Variants in MAPK6 observed in about 807,000 individuals in gnomAD.
The protein encoded by MAPK6 is ERK-3.
In MAPK6, 19 loss-of-function variants were observed where a neutral mutation model predicts 59.3. That is an observed-to-expected ratio of 0.32 (90% CI 0.22 to 0.47). MAPK6 has a LOEUF of 0.47. MAPK6 is among the 20% of genes least tolerant of loss of function. The pLI is 1.00. For missense variants in MAPK6, 724 were observed against 847.9 expected, an observed-to-expected ratio of 0.85 and a Z score of 1.81; for synonymous variants, 316 against 290.3, an observed-to-expected ratio of 1.09 and a Z score of -0.90.
upstream of MAPK6, among the ~76,000 whole-genome samples, chr15:52,016,070 G>GCGCACGCACACACA: frequency 1.8e-5 from 1 of 55,392 alleles, no homozygotes; most frequent in Non-Finnish European, 3.4e-5. Flanking sequence ...GCGCGCGCGC[G>GCGCACGCACACACA]CACACACACA....
chr15:52,061,613 T>C, intron 5 of MAPK6, 113 bp downstream of exon 5: 2 of 833,160 alleles, frequency 2.4e-6, no homozygotes, highest in South Asian at 3.7e-5. Flanking sequence ...AAAAATTTAG[T>C]AATGTAAAGA....
intron 3 of MAPK6, among the ~76,000 whole-genome samples, chr15:52,057,673 T>C (rs1425565105): frequency 6.6e-6 from 1 of 152,194 alleles, no homozygotes; most frequent in African/African-American, 2.4e-5. Context: ...GCCTCCCAAG[T>C]AGCTGGAACT....
chr15:51,987,322 C>T (rs2959282), intron 2 of MAPK6, among the ~76,000 whole-genome samples: 2,413 of 152,284 alleles, frequency 0.016, 51 homozygotes, highest in African/African-American at 0.056. Context: ...TCCACCTATT[C>T]AGGCTGGGCA....
chr15:51,971,896 T>C, exon 1 of MAPK6: 1 of 778,380 alleles, frequency 1.3e-6, no homozygotes, highest in East Asian at 2.6e-5. Context: ...AGTGAACCTG[T>C]TCTCGCCTGG....
intron 1 of MAPK6, among the ~76,000 whole-genome samples, chr15:52,030,277 C>T (rs2030975973): frequency 6.6e-6 from 1 of 152,194 alleles, no homozygotes; most frequent in Non-Finnish European, 1.5e-5. Context: ...GTTGGTCTTT[C>T]CTTACTAGAA....
chr15:52,063,513 C>T (rs920897198), intron 5 of MAPK6, among the ~76,000 whole-genome samples: 1 of 6,884 alleles, frequency 1.5e-4, no homozygotes, highest in Non-Finnish European at 9.7e-4. Flanking sequence ...CAGCAAACCT[C>T]CTCCTCTTCT....
chr15:51,988,451 G>T (rs892710700), intron 2 of MAPK6, among the ~76,000 whole-genome samples: 1 of 152,062 alleles, frequency 6.6e-6, no homozygotes, highest in African/African-American at 2.4e-5. Flanking sequence ...CAACAGAAAT[G>T]AGCCAGGAGT....
chr15:51,988,537 G>T (rs1441137088), intron 2 of MAPK6, among the ~76,000 whole-genome samples: 1 of 152,130 alleles, frequency 6.6e-6, no homozygotes, highest in African/African-American at 2.4e-5. Flanking sequence ...TTCAAGACCA[G>T]CCTGGCCAAC....
intron 3 of MAPK6, chr15:52,057,078 A>T (rs2032012719): frequency 6.6e-6 from 1 of 152,150 alleles, no homozygotes; most frequent in Non-Finnish European, 1.5e-5. Context: ...TTCTGTTAGC[A>T]CAGATCCTGT....
intron 2 of MAPK6, among the ~76,000 whole-genome samples, chr15:51,985,809 T>A (rs1260305989): frequency 6.6e-6 from 1 of 151,722 alleles, no homozygotes; most frequent in Non-Finnish European, 1.5e-5. Flanking sequence ...ATACAAAAAA[T>A]TAGCCCGGCA....
At chr15:52,003,004 T>G (rs1474324802) in intron 2 of MAPK6, among the ~76,000 whole-genome samples, 1 of 152,098 alleles carries the variant, frequency 6.6e-6, no homozygotes, top group Non-Finnish European at 1.5e-5. Context: ...CTGACCAACA[T>G]GGTGAAACCC....
intron 3 of MAPK6, among the ~76,000 whole-genome samples, chr15:52,055,945 T>G (rs868283939): frequency 7.2e-5 from 11 of 152,344 alleles, no homozygotes; most frequent in African/African-American, 2.6e-4. Flanking sequence ...ATAGGAATAG[T>G]TTGCAATGAA....
chr15:52,025,758 A>G (rs2030748408), intron 1 of MAPK6, among the ~76,000 whole-genome samples: 1 of 152,282 alleles, frequency 6.6e-6, no homozygotes, highest in East Asian at 1.9e-4. Flanking sequence ...ACTGCACTCC[A>G]GTCTGGGTGA....
upstream of MAPK6, among the ~76,000 whole-genome samples, chr15:52,015,485 T>C (rs2030207675): frequency 6.6e-6 from 1 of 151,172 alleles, no homozygotes; most frequent in Middle Eastern, 3.2e-3. Context: ...TGGGATTTTT[T>C]TTTTTTTTTT....
rs1162371445 is a variant in MAPK6 at position 52,042,222 on chromosome 15, C to T, written c.-631-3608C>T. Among the ~76,000 whole-genome samples, 13 of 152,332 alleles carry T rather than the reference C, an allele frequency of 8.5e-5. 1 individual carries two copies. In the South Asian group the frequency reaches 2.1e-3, roughly 24 times the overall value. ...AAGACTACTACTCACAGAGCAGTGA[C>T]GCAGAATCACTGAACAAGCACTGCC... On this transcript the variant is annotated intron_variant, in intron 1 of 5. Transcript: ENST00000261845.
At chr15:52,043,692 A>C (rs2031499954) in intron 1 of MAPK6, among the ~76,000 whole-genome samples, 3 of 150,108 alleles carry the variant, frequency 2.0e-5, no homozygotes, top group African/African-American at 7.4e-5. Flanking sequence ...AAGACAGACT[A>C]ATGGCTCAGC....
intron 1 of MAPK6, among the ~76,000 whole-genome samples, chr15:51,981,818 G>T (rs1488360974): frequency 6.6e-6 from 1 of 152,096 alleles, no homozygotes; most frequent in East Asian, 1.9e-4. Flanking sequence ...TGCTGTGGGT[G>T]TTAGTGGAGG....
At position 52,064,616 on chromosome 15, in the gene MAPK6, C is replaced by A. The variant is rs1462797665; in HGVS notation, c.1782C>A (p.Asp594Glu). 6.2e-7 allele frequency: 1 copy of A among 1,611,798 alleles called. No homozygotes were observed. Among genetic ancestry groups the A allele is most frequent in the Non-Finnish European group, 8.5e-7 (1 of 1,179,730 alleles). Residue 594 changes from aspartate (D) to glutamate (E), a missense_variant, in exon 6 of 6, where the codon GAC becomes GAA. This residue lies in a region of MAPK6 where 502 missense variants were observed against 507.6 expected (regional missense o/e 0.99). Transcript: ENST00000261845. ...AAGCCTTGTACCAGTCTTCTTGGGA[C>A]AGCCAGTTTGTGAGTGGTGGGGAGG... is the stretch of plus-strand genomic sequence containing the variant. ...QLEALYQSSW[D>E]SQFVSGGEDC... is the part of the protein sequence containing the mutation.
At chr15:52,051,135 G>A (rs1259798103) in intron 3 of MAPK6, among the ~76,000 whole-genome samples, 2 of 151,932 alleles carry the variant, frequency 1.3e-5, no homozygotes, top group African/African-American at 4.8e-5. Flanking sequence ...TCTGCTCACT[G>A]CAAGCTCCGC....
Sources: gnomAD v4.1 joint callset for allele counts (sites outside exome capture counted in the v4.1 genomes callset) on GRCh38, gnomAD v4.1.1 for gene constraint, gnomAD v4.1.1 regional missense constraint, MANE v1.5 for transcripts, NCBI Gene and HGNC (gene_info 2026-07-23, HGNC 2026-07-21) for gene names.